The following CDH13 variants were observed in gnomAD, a reference collection of about 807,000 sequenced individuals.
CDH13 encodes cadherin-13.
CDH13 carries 24 observed loss-of-function variants against 63.8 expected under a neutral mutation model. The ratio of observed to expected loss-of-function variants is 0.38; its 90% CI spans 0.27 to 0.53. CDH13 has a LOEUF of 0.53. CDH13 is among the 20% of genes least tolerant of loss of function. The pLI is 0.85. For missense variants in CDH13, 1,049 were observed against 903.1 expected (o/e 1.16, Z -2.07); for synonymous variants, 503 against 355.3 (o/e 1.42, Z -4.67).
intron 2 of CDH13, among the ~76,000 whole-genome samples, chr16:82,913,156 C>T (rs1157698205): frequency 6.6e-6 from 1 of 152,042 alleles, no homozygotes; most frequent in Admixed American, 6.6e-5. Flanking sequence ...AAATGGAACT[C>T]AGATTTTAAA....
chr16:83,270,022 C>A (rs1440794228), intron 5 of CDH13, among the ~76,000 whole-genome samples: 1 of 152,168 alleles, frequency 6.6e-6, no homozygotes, highest in African/African-American at 2.4e-5. Flanking sequence ...AGATCTTCTG[C>A]AACATTTTCA....
chr16:83,252,129 C>CACAT lies in CDH13; in HGVS notation c.636+34633_636+34634insCATA, dbSNP rs377101317. Among the ~76,000 whole-genome samples the CACAT allele has an allele frequency of 2.1e-3, 184 of 89,162 alleles. 2 individuals carry two copies. Among genetic ancestry groups the CACAT allele is most frequent in the Non-Finnish European group, 2.0e-3 (87 of 44,414 alleles). The allele number at this position is 89,162 out of a possible 152,430, so 58.5% of individuals were successfully genotyped here. On this transcript the variant is annotated intron_variant, in intron 5 of 13. Transcript: ENST00000567109. ...TTATACACACACACACACACACACA[C>CACAT]ATATATATGTATATATATATATATC...
At chr16:82,903,394 G>C (rs956171566) in intron 2 of CDH13, among the ~76,000 whole-genome samples, 1 of 152,192 alleles carries the variant, frequency 6.6e-6, no homozygotes. Context: ...GCTTTGGATT[G>C]CTTTGCCTAC....
chr16:83,344,928 G>T lies in CDH13; in HGVS notation c.703G>T (p.Val235Leu). 2 of 1,613,958 alleles carry T rather than the reference G, an allele frequency of 1.2e-6. No homozygotes were observed. Among genetic ancestry groups the T allele is most frequent in the Non-Finnish European group, 1.7e-6 (2 of 1,179,802 alleles). Residue 235 changes from valine (V) to leucine (L), a missense_variant, in exon 6 of 14, where the codon GTG (valine) becomes TTG (leucine). Transcript: ENST00000567109. The part of the protein sequence containing the change: ...LEGPVPLEVI[V>L]IDQNDNRPIF... ...GGGGCCGGTGCCTCTGGAAGTCATTGTGATTGATCAGAATGACAACCGACC... is the reference window on the plus strand; with the variant it reads ...GGGGCCGGTGCCTCTGGAAGTCATTTTGATTGATCAGAATGACAACCGACC...
At chr16:82,926,459 G>C (rs1219766536) in intron 2 of CDH13, among the ~76,000 whole-genome samples, 1 of 152,162 alleles carries the variant, frequency 6.6e-6, no homozygotes, top group African/African-American at 2.4e-5. Context: ...ACAATTCTCA[G>C]CCTGTCCAGA....
At chr16:83,083,721 G>T (rs528873725) in intron 3 of CDH13, among the ~76,000 whole-genome samples, 6 of 152,330 alleles carry the variant, frequency 3.9e-5, no homozygotes, top group African/African-American at 1.4e-4. Context: ...ATAAATGGAT[G>T]AAATTTCCAC....
At chr16:82,878,937 A>T (rs1029194614) in intron 2 of CDH13, among the ~76,000 whole-genome samples, 5 of 152,068 alleles carry the variant, frequency 3.3e-5, no homozygotes, top group Admixed American at 3.3e-4. Flanking sequence ...ACCTTCTCTG[A>T]GGTGACAGGG....
At chr16:83,133,834 T>C (rs1375495574) in intron 4 of CDH13, among the ~76,000 whole-genome samples, 2 of 152,194 alleles carry the variant, frequency 1.3e-5, no homozygotes, top group Non-Finnish European at 2.9e-5. Flanking sequence ...ATACATTGTT[T>C]ATACATCTTT....
intron 8 of CDH13, among the ~76,000 whole-genome samples, chr16:83,649,158 C>A (rs1017007372): frequency 1.3e-5 from 2 of 152,186 alleles, no homozygotes; most frequent in Admixed American, 6.5e-5. Context: ...TTAAAGTGGC[C>A]ACAGGCTGCT....
At chr16:83,713,506 C>T (rs1270292408) in intron 10 of CDH13, among the ~76,000 whole-genome samples, 1 of 144,832 alleles carries the variant, frequency 6.9e-6, no homozygotes, top group Admixed American at 7.1e-5. Flanking sequence ...CTTTTCTCGT[C>T]ACCAAAAAAA....
chr16:82,930,877 C>T (rs1202775902), intron 2 of CDH13, among the ~76,000 whole-genome samples: 1 of 152,126 alleles, frequency 6.6e-6, no homozygotes, highest in Admixed American at 6.6e-5. Context: ...ACTCCTCTTC[C>T]CAAATTAGAT....
At chr16:82,843,931 G>T (rs1480080667) in intron 1 of CDH13, among the ~76,000 whole-genome samples, 3 of 152,188 alleles carry the variant, frequency 2.0e-5, no homozygotes, top group Non-Finnish European at 2.9e-5. Context: ...GGTAAATATT[G>T]CCAGGAATGT....
At chr16:82,879,913 T>C (rs2040637873) in intron 2 of CDH13, among the ~76,000 whole-genome samples, 1 of 140,686 alleles carries the variant, frequency 7.1e-6, no homozygotes, top group African/African-American at 2.6e-5. Context: ...ATATTATATA[T>C]TTAGATATTA....
intron 1 of CDH13, among the ~76,000 whole-genome samples, chr16:82,666,351 T>G (rs920507670): frequency 6.6e-6 from 1 of 152,216 alleles, no homozygotes; most frequent in Non-Finnish European, 1.5e-5. Flanking sequence ...TTGATCCTAC[T>G]TTCAAAGGCA....
chr16:83,181,854 A>G (rs370222752), intron 4 of CDH13, among the ~76,000 whole-genome samples: 4 of 152,236 alleles, frequency 2.6e-5, no homozygotes, highest in South Asian at 4.1e-4. Flanking sequence ...TAGATTTCCC[A>G]TGGAGATGTT....
chr16:83,521,569 T>C (rs1367962729), intron 7 of CDH13, among the ~76,000 whole-genome samples: 1 of 152,218 alleles, frequency 6.6e-6, no homozygotes, highest in Non-Finnish European at 1.5e-5. Context: ...GTTAAATCCC[T>C]TGTGAGTTTT....
intron 9 of CDH13, among the ~76,000 whole-genome samples, chr16:83,672,152 T>G (rs1914553057): frequency 6.6e-6 from 1 of 152,234 alleles, no homozygotes; most frequent in Admixed American, 6.5e-5. Flanking sequence ...TTTCCTCATC[T>G]GTAAAATGAG....
chr16:82,807,535 CA>C (rs2037208211), intron 1 of CDH13, among the ~76,000 whole-genome samples: 2 of 149,884 alleles, frequency 1.3e-5, no homozygotes, highest in Non-Finnish European at 1.5e-5. Context: ...GAAATAAGAG[CA>C]AAACCATCTG....
chr16:83,276,642 G>A (rs928850439), intron 5 of CDH13, among the ~76,000 whole-genome samples: 10 of 152,190 alleles, frequency 6.6e-5, no homozygotes, highest in South Asian at 4.2e-4. Context: ...AGGCCAAGTC[G>A]GGAGGATCAC....
Sources: allele counts gnomAD v4.1 joint callset (sites outside exome capture counted in the v4.1 genomes callset), GRCh38; gene constraint gnomAD v4.1.1; transcripts MANE v1.5; gene names NCBI Gene and HGNC (gene_info 2026-07-23, HGNC 2026-07-21).